CELF2: variants seen among roughly 807,000 people sequenced by gnomAD.
The protein encoded by CELF2 is CUG triplet repeat RNA-binding protein 2.
CELF2 carries 8 observed loss-of-function variants against 62.6 expected under a neutral mutation model. That is an observed-to-expected ratio of 0.13 (90% CI 0.07 to 0.23). CELF2 has a LOEUF of 0.23. Ranked by LOEUF, CELF2 falls within the 10% of genes least tolerant of loss-of-function variation. CELF2 has a pLI of 1.00. For missense variants in CELF2, 333 were observed against 671.0 expected (o/e 0.50, Z 5.56); for synonymous variants, 258 against 250.0 (o/e 1.03, Z -0.30).
chr10:11,040,039 C>T (rs1280799181), intron 1 of CELF2, among the ~76,000 whole-genome samples: 4 of 152,058 alleles, frequency 2.6e-5, no homozygotes, highest in Admixed American at 1.3e-4. Context: ...TTCAGTGTCT[C>T]GTAGGAAAAT....
At chr10:11,253,061 A>T (rs2077610408) in intron 4 of CELF2, among the ~76,000 whole-genome samples, 8 of 152,152 alleles carry the variant, frequency 5.3e-5, no homozygotes. Context: ...AGTCACAAGC[A>T]GTTGCTGAAG....
intron 2 of CELF2, among the ~76,000 whole-genome samples, chr10:11,181,700 G>A (rs956031926): frequency 9.9e-5 from 15 of 152,210 alleles, no homozygotes; most frequent in East Asian, 3.9e-4. Flanking sequence ...AGTTGCATAC[G>A]CATTTGTCAT....
At chr10:11,072,957 CTA>C (rs1349025891) in intron 1 of CELF2, among the ~76,000 whole-genome samples, 1 of 151,656 alleles carries the variant, frequency 6.6e-6, no homozygotes, top group Non-Finnish European at 1.5e-5. Context: ...ATACTAATAA[CTA>C]TATTAATATC....
In CELF2 at chr10:10,931,148, T is replaced by C. The variant is rs1446637323; in HGVS notation, c.89+11149T>C. 6.6e-6 allele frequency among the ~76,000 whole-genome samples: 1 copy of C among 152,246 alleles called. No homozygotes were observed. The highest frequency in any genetic ancestry group is 2.4e-5 in the African/African-American group (1 of 41,460). ...TTTTGTAAATGTTTCTATTATGTAT[T>C]TTCCTTTTCCTTCTTTCTGGCGAAT... is the stretch of plus-strand genomic sequence containing the variant. On this transcript the variant is annotated intron_variant, in intron 2 of 13. Transcript: ENST00000636488. The surrounding 1 kb of genome is among the most constrained non-coding windows in gnomAD (Gnocchi z 6.1).
At chr10:11,033,807 C>T (rs1473924349) in intron 1 of CELF2, among the ~76,000 whole-genome samples, 1 of 152,216 alleles carries the variant, frequency 6.6e-6, no homozygotes, top group Non-Finnish European at 1.5e-5. Context: ...GTTGTACAGT[C>T]TGTACAGCAG....
chr10:10,839,183 C>T (rs146121122), intron 1 of CELF2, among the ~76,000 whole-genome samples: 45 of 152,154 alleles, frequency 3.0e-4, no homozygotes, highest in Middle Eastern at 6.8e-3. Context: ...GACCTGGACA[C>T]GAGGTGTGCT....
intron 4 of CELF2, 54 bp from the exon 5 acceptor site, chr10:11,257,684 T>G (rs1196044622): frequency 4.4e-6 from 7 of 1,596,614 alleles, no homozygotes; most frequent in Non-Finnish European, 6.0e-6. Flanking sequence ...AAGCATTGAT[T>G]ACAAGAAAAA....
At chr10:10,535,364 G>C in the CELF2 span, among the ~76,000 whole-genome samples, 1 of 152,216 alleles carries the variant, frequency 6.6e-6, no homozygotes, top group Non-Finnish European at 1.5e-5. Context: ...TAATCCCACA[G>C]TTCAGCAGAG....
intron 9 of CELF2, among the ~76,000 whole-genome samples, chr10:11,303,827 G>A (rs1050947513): frequency 1.3e-5 from 2 of 152,192 alleles, no homozygotes; most frequent in African/African-American, 4.8e-5. Flanking sequence ...TTTGCAGCCA[G>A]ACCCCTGGGT....
At chr10:10,946,725 GT>G (rs2047725262) in intron 2 of CELF2, 1 of 152,242 alleles carries the variant, frequency 6.6e-6, no homozygotes, top group Admixed American at 6.6e-5. Flanking sequence ...TCTAAGGTAA[GT>G]TCTTTTATTG....
At chr10:10,571,965 A>C in the CELF2 span, among the ~76,000 whole-genome samples, 1,923 of 152,256 alleles carry the variant, frequency 0.013, 65 homozygotes, top group East Asian at 0.098. Flanking sequence ...GCTGTCAATA[A>C]GAGAGGGAGG....
chr10:11,027,954 C>T (rs958461488), intron 1 of CELF2, among the ~76,000 whole-genome samples: 1 of 152,194 alleles, frequency 6.6e-6, no homozygotes, highest in African/African-American at 2.4e-5. Flanking sequence ...GCCGCAAGTT[C>T]CCCCGCATTT....
chr10:10,559,197 A>C, the CELF2 span, among the ~76,000 whole-genome samples: 1 of 152,162 alleles, frequency 6.6e-6, no homozygotes, highest in African/African-American at 2.4e-5. Context: ...ATAAAATTCA[A>C]ATCTCCTTCC....
intron 3 of CELF2, among the ~76,000 whole-genome samples, chr10:11,228,723 A>C (rs1203880800): frequency 0.064 from 413 of 6,464 alleles, 1 homozygote; most frequent in Non-Finnish European, 0.19. Context: ...CCTCGCAAAA[A>C]AAAAAAAAAA....
chr10:10,462,613 A>ATTTTTTTTTT, the CELF2 span, among the ~76,000 whole-genome samples: 1 of 32,918 alleles, frequency 3.0e-5, no homozygotes, highest in Non-Finnish European at 6.4e-5. Flanking sequence ...AATTTTTTTC[A>ATTTTTTTTTT]TCTTTTTTTT....
chr10:11,040,733 G>T (rs181001387), intron 1 of CELF2, among the ~76,000 whole-genome samples: 1,968 of 145,322 alleles, frequency 0.014, 136 homozygotes, highest in Admixed American at 0.12. Context: ...CTTTGATTTT[G>T]TGAGTTCTTC....
At chr10:10,958,251 C>G (rs1460905790) in intron 2 of CELF2, among the ~76,000 whole-genome samples, 1 of 152,188 alleles carries the variant, frequency 6.6e-6, no homozygotes, top group African/African-American at 2.4e-5. Context: ...ATCACTTTTC[C>G]TGGGCTTTGC....
chr10:10,733,187 T>A, the CELF2 span, among the ~76,000 whole-genome samples: 3 of 151,610 alleles, frequency 2.0e-5, no homozygotes. Context: ...TGTAGACAAG[T>A]AGAGTCTACA....
At chr10:10,540,726 C>T in the CELF2 span, among the ~76,000 whole-genome samples, 10 of 152,102 alleles carry the variant, frequency 6.6e-5, no homozygotes, top group African/African-American at 2.2e-4. Context: ...TCTACTTCTA[C>T]CAATAATTAA....
Sources: allele counts gnomAD v4.1 joint callset (sites outside exome capture counted in the v4.1 genomes callset), GRCh38; gene constraint gnomAD v4.1.1; non-coding constraint Gnocchi (gnomAD v3.1); transcripts MANE v1.5; gene names NCBI Gene and HGNC (gene_info 2026-07-23, HGNC 2026-07-21).